Variants in CACNA2D3 observed in about 807,000 individuals in gnomAD.
CACNA2D3 encodes the protein calcium voltage-gated channel auxiliary subunit alpha2delta 3.
A neutral mutation model predicts 160.6 loss-of-function variants in CACNA2D3; 60 were observed. The observed-to-expected ratio is 0.37, with a 90% CI of 0.30 to 0.46. The LOEUF is 0.46. Among genes scored for constraint, CACNA2D3 ranks in the 20% least tolerant of loss-of-function variants. The pLI is 1.00. For missense variants in CACNA2D3, 1,205 were observed against 1,365.0 expected (o/e 0.88, Z 1.85); for synonymous variants, 558 against 492.9 (o/e 1.13, Z -1.75).
intron 2 of CACNA2D3, among the ~76,000 whole-genome samples, chr3:54,311,387 T>C (rs1055661173): frequency 6.6e-6 from 1 of 152,194 alleles, no homozygotes; most frequent in Non-Finnish European, 1.5e-5. Flanking sequence ...CTCATTACAT[T>C]ACTAGGCTCC....
intron 14 of CACNA2D3, among the ~76,000 whole-genome samples, chr3:54,824,174 G>A (rs1316695382): frequency 6.6e-6 from 1 of 152,220 alleles, no homozygotes; most frequent in Non-Finnish European, 1.5e-5. Context: ...AAGTCTGAAA[G>A]TACCTTAGCT....
chr3:54,612,697 A>T (rs1698768038), intron 9 of CACNA2D3, among the ~76,000 whole-genome samples: 1 of 152,228 alleles, frequency 6.6e-6, no homozygotes, highest in African/African-American at 2.4e-5. Context: ...GATAAGGTCC[A>T]GGGCGCTGGG....
At chr3:55,046,059 C>A (rs1481293308) in intron 35 of CACNA2D3, among the ~76,000 whole-genome samples, 2 of 151,392 alleles carry the variant, frequency 1.3e-5, no homozygotes, top group African/African-American at 4.9e-5. Flanking sequence ...TAACTATATC[C>A]TAAAAATTTT....
At chr3:54,258,160 A>G (rs1324346856) in intron 2 of CACNA2D3, among the ~76,000 whole-genome samples, 1 of 152,202 alleles carries the variant, frequency 6.6e-6, no homozygotes, top group African/African-American at 2.4e-5. Flanking sequence ...GGGGATTTCT[A>G]GTACACCAGT....
At chr3:54,514,084 T>G (rs767765188) in intron 5 of CACNA2D3, among the ~76,000 whole-genome samples, 1 of 152,220 alleles carries the variant, frequency 6.6e-6, no homozygotes, top group Non-Finnish European at 1.5e-5. Flanking sequence ...AAATGAAAAC[T>G]AGTCTTATTT....
At chr3:54,301,278 CAACA>C (rs1019102023) in intron 2 of CACNA2D3, among the ~76,000 whole-genome samples, 44 of 144,696 alleles carry the variant, frequency 3.0e-4, no homozygotes, top group Non-Finnish European at 3.8e-4. Flanking sequence ...ACAACAACAA[CAACA>C]AACAAACAAA....
At chr3:54,797,960 A>G (rs1387200750) in intron 13 of CACNA2D3, among the ~76,000 whole-genome samples, 1 of 152,190 alleles carries the variant, frequency 6.6e-6, no homozygotes, top group Non-Finnish European at 1.5e-5. Context: ...AATCTGGAAG[A>G]TCTGCTTTGT....
At chr3:55,013,374 G>A (rs1703252231) in intron 34 of CACNA2D3, among the ~76,000 whole-genome samples, 1 of 152,192 alleles carries the variant, frequency 6.6e-6, no homozygotes. Flanking sequence ...ACAGCCCTCT[G>A]CTGGGCATCA....
intron 16 of CACNA2D3, among the ~76,000 whole-genome samples, chr3:54,842,156 C>G (rs146719590): frequency 0.012 from 1,838 of 152,316 alleles, 40 homozygotes; most frequent in African/African-American, 0.042. Context: ...GCTGCCCTTC[C>G]TTTGTCTACA....
Position 54,944,586 on chromosome 3 carries a change from A to G in CACNA2D3, c.2450-23864A>G, listed in dbSNP as rs544540308. 2.8e-3 allele frequency among the ~76,000 whole-genome samples: 421 copies of G among 151,876 alleles called. 2 individuals carry two copies. Among genetic ancestry groups the G allele is most frequent in the Non-Finnish European group, 4.8e-3 (324 of 67,922 alleles). ...CAGGCGCCCACCACCCTGCCTGGCT[A>G]ATTTTTTTGTATTTTTAGTAGAGAC... On this transcript the variant is annotated intron_variant, in intron 27 of 37. Transcript: ENST00000474759.
At chr3:54,247,329 C>CAAAT (rs1017561793) in intron 2 of CACNA2D3, among the ~76,000 whole-genome samples, 1 of 151,756 alleles carries the variant, frequency 6.6e-6, no homozygotes, top group African/African-American at 2.4e-5. Flanking sequence ...AACAAACAAA[C>CAAAT]AAATAAATAA....
chr3:54,170,729 G>A (rs6445630), intron 2 of CACNA2D3, among the ~76,000 whole-genome samples: 109,184 of 152,008 alleles, frequency 0.72, 39,544 homozygotes, highest in East Asian at 0.96. Context: ...TAGCTCAGTA[G>A]AAGCTTTTTA....
intron 4 of CACNA2D3, among the ~76,000 whole-genome samples, chr3:54,452,912 C>T (rs754101111): frequency 2.6e-5 from 4 of 152,082 alleles, no homozygotes; most frequent in African/African-American, 9.7e-5. Flanking sequence ...TCCATGTGGT[C>T]ATCTTCCCTC....
intron 11 of CACNA2D3, among the ~76,000 whole-genome samples, chr3:54,659,147 T>C (rs1445606148): frequency 6.6e-6 from 1 of 152,206 alleles, no homozygotes; most frequent in African/African-American, 2.4e-5. Flanking sequence ...TGATAGCACC[T>C]TTCATCTTGT....
chr3:54,163,437 A>G (rs1284803181), intron 2 of CACNA2D3, among the ~76,000 whole-genome samples: 18 of 152,170 alleles, frequency 1.2e-4, no homozygotes, highest in Admixed American at 1.2e-3. Flanking sequence ...ATTCTCTGGG[A>G]GACTGCTATC....
intron 2 of CACNA2D3, among the ~76,000 whole-genome samples, chr3:54,198,055 C>G (rs1450651493): frequency 7.2e-5 from 11 of 152,340 alleles, no homozygotes; most frequent in African/African-American, 2.6e-4. Context: ...AAGTGAGAGT[C>G]AGAGGCCAGA....
intron 2 of CACNA2D3, among the ~76,000 whole-genome samples, chr3:54,208,174 C>T (rs541290045): frequency 1.1e-4 from 17 of 152,164 alleles, no homozygotes; most frequent in East Asian, 5.8e-4. Context: ...GGTGCGATCT[C>T]GGCTCACTGC....
intron 4 of CACNA2D3, among the ~76,000 whole-genome samples, chr3:54,466,743 G>C (rs928753579): frequency 6.6e-6 from 1 of 152,204 alleles, no homozygotes; most frequent in Non-Finnish European, 1.5e-5. Context: ...TCTAGGCTGC[G>C]TTGAGTTTTG....
intron 3 of CACNA2D3, among the ~76,000 whole-genome samples, chr3:54,362,239 T>G (rs1479997854): frequency 6.6e-6 from 1 of 152,188 alleles, no homozygotes; most frequent in Non-Finnish European, 1.5e-5. Context: ...AGGTCTTGTT[T>G]GAGGCTCAGG....
Sources: gnomAD v4.1 joint callset for allele counts (sites outside exome capture counted in the v4.1 genomes callset) on GRCh38, gnomAD v4.1.1 for gene constraint, MANE v1.5 for transcripts, NCBI Gene and HGNC (gene_info 2026-07-23, HGNC 2026-07-21) for gene names.